The following AGBL4 variants were observed in gnomAD, a reference collection of about 807,000 sequenced individuals.
The protein encoded by AGBL4 is cytosolic carboxypeptidase 6.
In AGBL4, 58 loss-of-function variants were observed where a neutral mutation model predicts 66.4. The observed-to-expected ratio is 0.87, with a 90% CI of 0.71 to 1.09. The LOEUF (loss-of-function observed/expected upper bound fraction) is 1.09, where lower values mean the gene tolerates loss of function less well. Ranked by LOEUF, AGBL4 falls within the 50% of genes least tolerant of loss-of-function variation. AGBL4 has a pLI of 0.00. For synonymous variants in AGBL4, 234 were observed against 222.9 expected, an observed-to-expected ratio of 1.05 and a Z score of -0.44; for missense variants, 579 against 631.0, an observed-to-expected ratio of 0.92 and a Z score of 0.88.
chr1:49,329,675 A>T (rs1299146703), intron 3 of AGBL4, among the ~76,000 whole-genome samples: 1 of 149,884 alleles, frequency 6.7e-6, no homozygotes, highest in Non-Finnish European at 1.5e-5. Context: ...CCCCCGCCAA[A>T]AAAAAGCACA....
chr1:48,616,549 C>T (rs1645321678), intron 9 of AGBL4, among the ~76,000 whole-genome samples: 1 of 152,148 alleles, frequency 6.6e-6, no homozygotes, highest in Non-Finnish European at 1.5e-5. Context: ...GGTTTACAAC[C>T]CAATTGGGCC....
chr1:49,988,897 C>T (rs1659713495), intron 1 of AGBL4, among the ~76,000 whole-genome samples: 1 of 152,120 alleles, frequency 6.6e-6, no homozygotes, highest in African/African-American at 2.4e-5. Context: ...CTGTCTCCAG[C>T]AAACCATAGC....
At chr1:49,380,923 A>T (rs1290253198) in intron 3 of AGBL4, among the ~76,000 whole-genome samples, 1 of 152,242 alleles carries the variant, frequency 6.6e-6, no homozygotes, top group Non-Finnish European at 1.5e-5. Flanking sequence ...ACCATTCAGG[A>T]CATACGCATG....
rs202052887 is a variant in AGBL4 at position 49,962,402 on chromosome 1, CT to C, written c.34+61360del. ...AGCTTACATCAGGATAAATAAAATA[CT>C]TTTTCAAAGTGTGGGGCACATTTGA... On this transcript the variant is annotated intron_variant, in intron 1 of 13. Coordinates refer to ENST00000371839, the MANE Select transcript of AGBL4 (RefSeq NM_032785.4). Among the ~76,000 whole-genome samples, 3 of 152,190 alleles carry C rather than the reference CT, an allele frequency of 2.0e-5. No individual in the cohort carries two copies. In the East Asian group the frequency reaches 5.8e-4, roughly 29 times the overall value.
intron 6 of AGBL4, among the ~76,000 whole-genome samples, chr1:48,827,405 C>G (rs1646449453): frequency 6.6e-6 from 1 of 152,152 alleles, no homozygotes; most frequent in Non-Finnish European, 1.5e-5. Flanking sequence ...CCCTAGCTTC[C>G]CAGGTCATGG....
intron 5 of AGBL4, among the ~76,000 whole-genome samples, chr1:48,894,070 C>A (rs1651267975): frequency 6.6e-6 from 1 of 152,206 alleles, no homozygotes; most frequent in Admixed American, 6.5e-5. Context: ...GGAAAAAATA[C>A]TTCCGTAGCT....
At chr1:48,718,951 C>G (rs185859226) in intron 6 of AGBL4, among the ~76,000 whole-genome samples, 4 of 152,296 alleles carry the variant, frequency 2.6e-5, no homozygotes, top group Admixed American at 2.0e-4. Context: ...TTAGCAACAG[C>G]CTTAAATGTT....
At chr1:49,472,396 G>A (rs1294762982) in intron 3 of AGBL4, among the ~76,000 whole-genome samples, 1 of 151,998 alleles carries the variant, frequency 6.6e-6, no homozygotes, top group Non-Finnish European at 1.5e-5. Flanking sequence ...CGATTTTAAA[G>A]TAGCCATCAT....
chr1:49,732,764 A>T (rs1271469158), intron 2 of AGBL4, among the ~76,000 whole-genome samples: 1 of 152,150 alleles, frequency 6.6e-6, no homozygotes, highest in African/African-American at 2.4e-5. Flanking sequence ...TAAGCCTCAA[A>T]GATCTCCAGT....
chr1:49,402,507 T>G (rs186296194), intron 3 of AGBL4, among the ~76,000 whole-genome samples: 4 of 152,290 alleles, frequency 2.6e-5, no homozygotes, highest in Admixed American at 1.3e-4. Flanking sequence ...TGTTATTGAT[T>G]TGTAGTTGTA....
At chr1:48,873,327 C>T (rs1648874288) in intron 5 of AGBL4, among the ~76,000 whole-genome samples, 2 of 152,178 alleles carry the variant, frequency 1.3e-5, no homozygotes, top group South Asian at 4.1e-4. Context: ...CAACCCCATA[C>T]CCAAACTAGT....
intron 11 of AGBL4, among the ~76,000 whole-genome samples, chr1:48,581,633 T>A (rs1644741936): frequency 1.3e-5 from 2 of 152,202 alleles, no homozygotes; most frequent in African/African-American, 4.8e-5. Context: ...TCCTGAAGAA[T>A]GGTTCAAAAT....
intron 6 of AGBL4, among the ~76,000 whole-genome samples, chr1:48,812,638 C>T (rs1022327102): frequency 4.6e-5 from 7 of 152,162 alleles, no homozygotes; most frequent in Non-Finnish European, 1.0e-4. Flanking sequence ...ATAAATCATG[C>T]TGCTATAAAG....
rs554456323 is a variant in AGBL4, at chr1:48,906,664, G to C, written c.595-39434C>G. ...ACATTGTATGCAGATGGAGCGAGGG[G>C]AGCTAGGGAAGATTTGTGAGAAAGG... On this transcript the variant is annotated intron_variant, in intron 5 of 13. Transcript: ENST00000371839. Among the ~76,000 whole-genome samples, 39 of 152,216 alleles carry C rather than the reference G, an allele frequency of 2.6e-4. 1 individual carries two copies. In the South Asian group the frequency reaches 7.9e-3, roughly 31 times the overall value.
In AGBL4 at chr1:49,380,484, G is replaced by GA. The variant is rs1163711356; in HGVS notation, c.283-134621dup. On this transcript the variant is annotated intron_variant, in intron 3 of 13. Coordinates refer to ENST00000371839, the MANE Select transcript of AGBL4 (RefSeq NM_032785.4). ...ACCAATGACTTTCTTCACAGAATTG[G>GA]AAAAAACTACTTTAAAGTTCATATG... 2.0e-5 allele frequency among the ~76,000 whole-genome samples: 3 copies of GA among 151,892 alleles called. No individual in the cohort carries two copies. The South Asian group carries it at 6.2e-4, about 32-fold the overall frequency.
intron 3 of AGBL4, among the ~76,000 whole-genome samples, chr1:49,530,278 A>AAAAAAAAAAAAC (rs1186915086): frequency 8.3e-5 from 12 of 145,102 alleles, no homozygotes; most frequent in South Asian, 2.2e-4. Context: ...AAAAACAAAA[A>AAAAAAAAAAAAC]AAAACTCTAT....
At chr1:49,895,721 T>C (rs940497212) in intron 1 of AGBL4, among the ~76,000 whole-genome samples, 13 of 151,220 alleles carry the variant, frequency 8.6e-5, no homozygotes, top group African/African-American at 3.2e-4. Context: ...AAACACATAA[T>C]AAAAACATAC....
chr1:48,555,081 G>A (rs780819098), intron 11 of AGBL4, among the ~76,000 whole-genome samples: 6 of 152,106 alleles, frequency 3.9e-5, no homozygotes, highest in Admixed American at 6.5e-5. Flanking sequence ...ACTATGGCAG[G>A]GGAAATAAGG....
At chr1:49,852,366 C>T (rs972698015) in intron 1 of AGBL4, among the ~76,000 whole-genome samples, 1 of 152,024 alleles carries the variant, frequency 6.6e-6, no homozygotes, top group Non-Finnish European at 1.5e-5. Context: ...TATTAAACAT[C>T]AAATAAGGAA....
Sources: allele counts gnomAD v4.1 joint callset (sites outside exome capture counted in the v4.1 genomes callset), GRCh38; gene constraint gnomAD v4.1.1; transcripts MANE v1.5; gene names NCBI Gene and HGNC (gene_info 2026-07-23, HGNC 2026-07-21).